The following GRIK4 variants were observed in gnomAD, a reference collection of about 807,000 sequenced individuals.
GRIK4 encodes glutamate receptor ionotropic, kainate 4.
GRIK4 carries 40 observed loss-of-function variants against 104.9 expected under a neutral mutation model. The ratio of observed to expected loss-of-function variants is 0.38; its 90% CI spans 0.30 to 0.50. The LOEUF (loss-of-function observed/expected upper bound fraction) is 0.50. Ranked by LOEUF, GRIK4 falls within the 20% of genes least tolerant of loss-of-function variation. GRIK4 has a pLI of 0.93. For missense variants in GRIK4, 1,047 were observed against 1,308.1 expected (o/e 0.80, Z 3.08); for synonymous variants, 485 against 524.9 (o/e 0.92, Z 1.04).
At chr11:120,983,005 C>T (rs367869313) in intron 20 of GRIK4, among the ~76,000 whole-genome samples, 5 of 152,094 alleles carry the variant, frequency 3.3e-5, no homozygotes, top group Admixed American at 1.3e-4. Context: ...CTTCTGCATG[C>T]GTAGAGCTTC....
chr11:120,631,875 C>T (rs1949337396), intron 1 of GRIK4, among the ~76,000 whole-genome samples: 1 of 152,122 alleles, frequency 6.6e-6, no homozygotes, highest in Non-Finnish European at 1.5e-5. Context: ...CCAGAGACCC[C>T]CAGCCTTGGA....
chr11:120,596,916 G>T (rs1050296775), intron 1 of GRIK4, among the ~76,000 whole-genome samples: 9 of 152,076 alleles, frequency 5.9e-5, no homozygotes. Context: ...GTAGAGACAG[G>T]GTTTTACCAT....
chr11:120,869,843 C>T (rs548014603), intron 9 of GRIK4: 2 of 152,342 alleles, frequency 1.3e-5, no homozygotes, highest in East Asian at 1.9e-4. Context: ...AGAGTACTCT[C>T]GGCAACAGAA....
intron 1 of GRIK4, among the ~76,000 whole-genome samples, chr11:120,596,732 GT>G (rs921099836): frequency 2.2e-4 from 32 of 144,356 alleles, no homozygotes; most frequent in East Asian, 6.0e-4. Context: ...ACTTGTTTTT[GT>G]TTTTTTTTTT....
chr11:120,733,521 G>A (rs917668177), intron 3 of GRIK4, among the ~76,000 whole-genome samples: 2 of 151,560 alleles, frequency 1.3e-5, no homozygotes, highest in South Asian at 2.1e-4. Flanking sequence ...CTTACCATAA[G>A]GTTTGCAAAT....
intron 14 of GRIK4, among the ~76,000 whole-genome samples, chr11:120,947,401 C>CAAA (rs34759788): frequency 3.2e-5 from 4 of 124,102 alleles, no homozygotes; most frequent in Admixed American, 8.1e-5. Flanking sequence ...GACTCTGTCT[C>CAAA]AAAAAAAAAA....
chr11:120,901,260 C>A (rs777188970), intron 12 of GRIK4, among the ~76,000 whole-genome samples: 5 of 152,062 alleles, frequency 3.3e-5, no homozygotes, highest in Non-Finnish European at 7.4e-5. Flanking sequence ...GCCCACCTCG[C>A]CTTCTCCTCC....
At chr11:120,550,830 G>A (rs139454986) in intron 1 of GRIK4, among the ~76,000 whole-genome samples, 11 of 152,292 alleles carry the variant, frequency 7.2e-5, no homozygotes, top group East Asian at 1.9e-4. Flanking sequence ...GGAGAGGAAC[G>A]GAGGAGTGGG....
chr11:120,891,187 G>T (rs527972134), intron 11 of GRIK4, among the ~76,000 whole-genome samples: 1 of 152,204 alleles, frequency 6.6e-6, no homozygotes, highest in South Asian at 2.1e-4. Context: ...ACACCCAGGT[G>T]AGCCTGTGGG....
At position 120,578,613 on chromosome 11, in the gene GRIK4, C is replaced by G. The variant is rs200893359; in HGVS notation, c.-159+66726C>G. 1.2e-4 allele frequency among the ~76,000 whole-genome samples: 18 copies of G among 152,322 alleles called. No homozygotes were observed. The East Asian group carries it at 3.1e-3, about 26-fold the overall frequency. On this transcript the variant is annotated intron_variant, in intron 1 of 20. Transcript: ENST00000527524. The stretch of plus-strand genomic sequence containing the variant: ...GGATACACGGATGCTTAGTACAGTG[C>G]CAGACACATGCTTGGCACTCAGTAC...
intron 3 of GRIK4, among the ~76,000 whole-genome samples, chr11:120,678,065 A>G (rs1048637992): frequency 6.6e-6 from 1 of 152,208 alleles, no homozygotes; most frequent in African/African-American, 2.4e-5. Flanking sequence ...TATCTATTAC[A>G]CTAGACTCCT....
At chr11:120,823,052 C>A (rs1252038932) in intron 6 of GRIK4, among the ~76,000 whole-genome samples, 1 of 152,184 alleles carries the variant, frequency 6.6e-6, no homozygotes, top group Admixed American at 6.5e-5. Flanking sequence ...GACTGCCACA[C>A]GCCCATTTTG....
chr11:120,597,275 C>CG (rs1413127758), intron 1 of GRIK4, among the ~76,000 whole-genome samples: 3 of 152,204 alleles, frequency 2.0e-5, no homozygotes, highest in Non-Finnish European at 2.9e-5. Flanking sequence ...TGCTGGGTGA[C>CG]GGGGCAAGTG....
At chr11:120,840,598 C>T (rs1447781999) in intron 8 of GRIK4, among the ~76,000 whole-genome samples, 21 of 152,108 alleles carry the variant, frequency 1.4e-4, no homozygotes. Context: ...GGAAGTAAGT[C>T]CTGGCAGGTA....
In GRIK4 at chr11:120,549,308, A is replaced by G. The variant is rs147265329; in HGVS notation, c.-159+37421A>G. 4.1e-3 allele frequency among the ~76,000 whole-genome samples: 630 copies of G among 152,154 alleles called. 2 individuals carry two copies. The highest frequency in any genetic ancestry group is 0.014 in the African/African-American group (601 of 41,494). On this transcript the variant is annotated intron_variant, in intron 1 of 20. Transcript: ENST00000527524. This position sits in a 1 kb window ranked among gnomAD's most constrained non-coding sequence, Gnocchi z 4.7. Reference sequence around the variant, plus strand: ...TTTTAAGTAAAGTCGGGCTTTCACCATGTTGGCCAGGCTGGTCTCAAACTC... The same window carrying G: ...TTTTAAGTAAAGTCGGGCTTTCACCGTGTTGGCCAGGCTGGTCTCAAACTC...
intron 1 of GRIK4, among the ~76,000 whole-genome samples, chr11:120,652,401 A>T (rs1020601561): frequency 3.9e-5 from 6 of 152,084 alleles, no homozygotes; most frequent in African/African-American, 1.4e-4. Context: ...GTTGTCAGGG[A>T]GAGAGGACAC....
intron 3 of GRIK4, among the ~76,000 whole-genome samples, chr11:120,789,229 G>A (rs966681668): frequency 1.9e-4 from 29 of 152,056 alleles, no homozygotes; most frequent in African/African-American, 6.5e-4. Context: ...TAAACAGTGC[G>A]CCCCGAACTT....
chr11:120,952,760 C>T lies in GRIK4; in HGVS notation c.1591-95C>T. The T allele has an allele frequency of 4.8e-6, 4 of 825,758 alleles. No individual in the cohort carries two copies. The highest frequency in any genetic ancestry group is 4.0e-5 in the South Asian group (3 of 74,848). The allele number at this position is 825,758 out of a possible 1,614,324, so 51.2% of individuals were successfully genotyped here. ...CACAGAAATGGGAACTGGGGCCAGA[C>T]CCACACTCACTACCTCCTCTACCCC... On this transcript the variant is annotated intron_variant, in intron 14 of 20. Coordinates refer to ENST00000527524, the MANE Select transcript of GRIK4 (RefSeq NM_014619.5). The surrounding 1 kb of genome is among the most constrained non-coding windows in gnomAD (Gnocchi z 5.2).
At chr11:120,731,259 G>GT (rs1304589343) in intron 3 of GRIK4, among the ~76,000 whole-genome samples, 7,458 of 142,728 alleles carry the variant, frequency 0.052, 196 homozygotes, top group East Asian at 0.098. Context: ...TTTTTTTTTA[G>GT]TTTTTTTTTT....
Sources: allele counts gnomAD v4.1 joint callset (sites outside exome capture counted in the v4.1 genomes callset), GRCh38; gene constraint gnomAD v4.1.1; non-coding constraint Gnocchi (gnomAD v3.1); transcripts MANE v1.5; gene names NCBI Gene and HGNC (gene_info 2026-07-23, HGNC 2026-07-21).